The following KANK1 variants were observed in gnomAD, a reference collection of about 807,000 sequenced individuals.
The protein encoded by KANK1 is KN motif and ankyrin repeat domains 1.
Under a neutral mutation model 106.2 loss-of-function variants are expected in KANK1, and 109 were observed. The observed-to-expected ratio is 1.03, with a 90% CI of 0.88 to 1.20. KANK1 has a LOEUF of 1.20. Ranked by LOEUF, KANK1 falls within the 50% of genes most tolerant of loss-of-function variation. KANK1 has a pLI of 0.00. For missense variants in KANK1, 2,399 were observed against 1,710.7 expected, an observed-to-expected ratio of 1.40 and a Z score of -7.10; for synonymous variants, 873 against 652.2, an observed-to-expected ratio of 1.34 and a Z score of -5.16.
At chr9:658,332 C>T (rs1842579253) in intron 1 of KANK1, among the ~76,000 whole-genome samples, 1 of 152,068 alleles carries the variant, frequency 6.6e-6, no homozygotes, top group Non-Finnish European at 1.5e-5. Flanking sequence ...CTACTATGAC[C>T]AACAGGACTA....
In KANK1 at chr9:698,210, G is replaced by C. The variant is rs1333617018; in HGVS notation, c.38-12594G>C. Among the ~76,000 whole-genome samples, 3 of 152,200 alleles carry C rather than the reference G, an allele frequency of 2.0e-5. No individual in the cohort carries two copies. In the East Asian group the frequency reaches 5.8e-4, roughly 29 times the overall value. ...CTGCCTCCAGAGACACTTGTTGGCT[G>C]TCAGGGTCGGTGTTGTCTTAGCCTC... On this transcript the variant is annotated intron_variant, in intron 2 of 11. Coordinates refer to ENST00000382297, the MANE Select transcript of KANK1 (RefSeq NM_015158.5).
intron 3 of KANK1, among the ~76,000 whole-genome samples, chr9:728,266 TC>T (rs1471374197): frequency 6.6e-6 from 1 of 151,766 alleles, no homozygotes; most frequent in Admixed American, 6.6e-5. Flanking sequence ...AATGGCACGA[TC>T]TAGGCACTAC....
At chr9:501,424 AT>A (rs1344358563), upstream of KANK1, among the ~76,000 whole-genome samples, 1 of 151,144 alleles carries the variant, frequency 6.6e-6, no homozygotes, top group Admixed American at 6.6e-5. Context: ...TAAAAAAAAA[AT>A]AGTGTTGCAT....
chr9:652,079 T>G (rs2361100), intron 1 of KANK1, among the ~76,000 whole-genome samples: 71,031 of 152,016 alleles, frequency 0.47, 16,869 homozygotes, highest in East Asian at 0.56. Context: ...AACCTGACAT[T>G]ATCCATTAGA....
chr9:543,274 G>A (rs1050393754), intron 1 of KANK1, among the ~76,000 whole-genome samples: 1 of 152,032 alleles, frequency 6.6e-6, no homozygotes, highest in Non-Finnish European at 1.5e-5. Context: ...AGAACATTGA[G>A]GCCGGGCACG....
chr9:671,325 C>A (rs948781044), intron 1 of KANK1, among the ~76,000 whole-genome samples: 6 of 151,840 alleles, frequency 4.0e-5, no homozygotes, highest in Admixed American at 3.9e-4. Context: ...ATCAAGCCTG[C>A]TCTAGTAATT....
chr9:689,085 C>T (rs1306502235), intron 2 of KANK1, among the ~76,000 whole-genome samples: 1 of 152,108 alleles, frequency 6.6e-6, no homozygotes, highest in Non-Finnish European at 1.5e-5. Flanking sequence ...CTGTGTCCCC[C>T]CAATTCATTT....
At chr9:710,608 C>A (rs1413596031) in intron 2 of KANK1, among the ~76,000 whole-genome samples, 196 bp from the exon 3 acceptor site, 1 of 117,716 alleles carries the variant, frequency 8.5e-6, no homozygotes, top group Non-Finnish European at 1.7e-5. Flanking sequence ...GACAGAATGA[C>A]CTGTCTCAAA....
In KANK1 at chr9:532,949, C is replaced by T. The variant is rs181678352; in HGVS notation, c.-84+28195C>T. Among the ~76,000 whole-genome samples, 13 of 152,006 alleles carry T rather than the reference C, an allele frequency of 8.6e-5. No individual in the cohort carries two copies. In the East Asian group the frequency reaches 9.7e-4, roughly 11 times the overall value. ...CAGGGAGGTGGCTGTGCTTGGAGGC[C>T]GGGTGTTTTGCCGACGATAATGGGG... On this transcript the variant is annotated intron_variant, in intron 1 of 11. Transcript: ENST00000382297.
At chr9:725,663 G>A (rs1564087111) in intron 3 of KANK1, among the ~76,000 whole-genome samples, 1 of 152,008 alleles carries the variant, frequency 6.6e-6, no homozygotes, top group East Asian at 1.9e-4. Flanking sequence ...CCATCACTTG[G>A]CCCCCATCCC....
chr9:608,710 G>T (rs936309551), intron 1 of KANK1, among the ~76,000 whole-genome samples: 2 of 152,158 alleles, frequency 1.3e-5, no homozygotes, highest in Non-Finnish European at 2.9e-5. Context: ...CACAAAGGTT[G>T]TCAGTTATTA....
At chr9:710,203 C>T (rs992773045) in intron 2 of KANK1, among the ~76,000 whole-genome samples, 4 of 152,136 alleles carry the variant, frequency 2.6e-5, no homozygotes, top group African/African-American at 9.7e-5. Context: ...CTGAATCTAA[C>T]ATACAGTTTT....
intron 1 of KANK1, among the ~76,000 whole-genome samples, chr9:589,710 A>G (rs1054962857): frequency 6.6e-6 from 1 of 152,194 alleles, no homozygotes; most frequent in Admixed American, 6.5e-5. Flanking sequence ...GAACATTAAG[A>G]GGGCTGAAGG....
chr9:745,022 G>C, intron 11 of KANK1, 151 bp from the exon 12 acceptor site: 9 of 1,508,798 alleles, frequency 6.0e-6, no homozygotes, highest in East Asian at 2.3e-5. Flanking sequence ...TGGAGCTGTG[G>C]ACACCTGTTC....
intron 9 of KANK1, 112 bp downstream of exon 9, chr9:741,046 T>C (rs1835348653): frequency 8.3e-7 from 1 of 1,205,742 alleles, no homozygotes; most frequent in Non-Finnish European, 1.2e-6. Flanking sequence ...CACAGTGCAC[T>C]TGTTTGCAGG....
intron 1 of KANK1, among the ~76,000 whole-genome samples, chr9:568,314 C>G (rs899954769): frequency 3.3e-5 from 5 of 152,122 alleles, no homozygotes; most frequent in African/African-American, 1.2e-4. Context: ...TTCAACCTAA[C>G]TTTATAAAGT....
intron 1 of KANK1, among the ~76,000 whole-genome samples, chr9:612,415 G>C (rs911117399): frequency 1.3e-5 from 2 of 152,194 alleles, no homozygotes; most frequent in African/African-American, 4.8e-5. Flanking sequence ...CGGTTTCTTA[G>C]ACATGATGTC....
intron 1 of KANK1, among the ~76,000 whole-genome samples, chr9:616,608 T>C (rs1163188719): frequency 1.3e-5 from 2 of 152,212 alleles, no homozygotes; most frequent in African/African-American, 4.8e-5. Flanking sequence ...CTTTACTAAG[T>C]GTCCTTTCTA....
rs570934028 is a variant in KANK1, at chr9:635,604, A to T, written c.-83-41286A>T. On this transcript the variant is annotated intron_variant, in intron 1 of 11. Transcript: ENST00000382297. ...CCCTTTTTATTATTAGAATAGTAAG[A>T]ATTCTATATGAGTAGAATAAGAAAA... 2.0e-5 allele frequency among the ~76,000 whole-genome samples: 3 copies of T among 152,226 alleles called. No individual in the cohort carries two copies. In the South Asian group the frequency reaches 6.2e-4, roughly 32 times the overall value.
Sources: allele counts gnomAD v4.1 joint callset (sites outside exome capture counted in the v4.1 genomes callset), GRCh38; gene constraint gnomAD v4.1.1; transcripts MANE v1.5; gene names NCBI Gene and HGNC (gene_info 2026-07-23, HGNC 2026-07-21).